The following C2orf76 variants were observed in gnomAD, a reference collection of about 807,000 sequenced individuals.
The protein encoded by C2orf76 is UPF0538 protein C2orf76.
In C2orf76, 23 loss-of-function variants were observed where a neutral mutation model predicts 16.9. The ratio of observed to expected loss-of-function variants is 1.36; its 90% CI spans 0.98 to 1.93. C2orf76 has a LOEUF of 1.93. C2orf76 is among the 30% of genes most tolerant of loss of function. The pLI is 0.00. For synonymous variants in C2orf76, 48 were observed against 52.3 expected (o/e 0.92, Z 0.35); for missense variants, 152 against 152.6 (o/e 1.00, Z 0.02).
intron 2 of C2orf76, among the ~76,000 whole-genome samples, chr2:119,332,407 A>C (rs1679703727): frequency 6.6e-6 from 1 of 152,232 alleles, no homozygotes; most frequent in African/African-American, 2.4e-5. Flanking sequence ...TATGATGGTA[A>C]GATTCAAAGG....
chr2:119,286,451 G>C, the C2orf76 span, among the ~76,000 whole-genome samples: 49,643 of 151,816 alleles, frequency 0.33, 8,334 homozygotes, highest in Non-Finnish European at 0.38. Flanking sequence ...TGGGAAGTCT[G>C]AGAAAGTGGC....
intron 5 of C2orf76, among the ~76,000 whole-genome samples, chr2:119,309,015 G>A (rs1678888705): frequency 1.3e-5 from 2 of 152,288 alleles, no homozygotes; most frequent in South Asian, 4.1e-4. Context: ...CACCCAGACA[G>A]TAAAAGACAG....
chr2:119,292,987 A>G, the C2orf76 span, among the ~76,000 whole-genome samples: 1 of 152,246 alleles, frequency 6.6e-6, no homozygotes, highest in Non-Finnish European at 1.5e-5. Context: ...GTGAGCCGAG[A>G]TTGTGCCACT....
At chr2:119,337,339 G>A (rs1309558403) in intron 2 of C2orf76, among the ~76,000 whole-genome samples, 1 of 151,830 alleles carries the variant, frequency 6.6e-6, no homozygotes, top group Admixed American at 6.6e-5. Flanking sequence ...CCAAATTGCT[G>A]GGATTACAGA....
At chr2:119,322,229 C>T (rs1679366739) in intron 2 of C2orf76, among the ~76,000 whole-genome samples, 1 of 152,086 alleles carries the variant, frequency 6.6e-6, no homozygotes, top group South Asian at 2.1e-4. Context: ...CTGATTGACA[C>T]AGGGTCTCAT....
chr2:119,311,082 T>G, intron 5 of C2orf76: 2 of 846,172 alleles, frequency 2.4e-6, no homozygotes, highest in Non-Finnish European at 2.8e-6. Flanking sequence ...ACATGTCACA[T>G]AACATTTATT....
intron 2 of C2orf76, among the ~76,000 whole-genome samples, chr2:119,332,171 A>G (rs1679696674): frequency 6.6e-6 from 1 of 152,200 alleles, no homozygotes; most frequent in South Asian, 2.1e-4. Flanking sequence ...CAATAAAATA[A>G]TTCTTTGCCT....
intron 2 of C2orf76, among the ~76,000 whole-genome samples, chr2:119,324,579 C>G (rs1333036932): frequency 6.6e-6 from 1 of 152,118 alleles, no homozygotes; most frequent in Non-Finnish European, 1.5e-5. Flanking sequence ...TAAAATAGTG[C>G]CTGGTACACA....
chr2:119,316,981 A>C (rs7604633), intron 4 of C2orf76, among the ~76,000 whole-genome samples: 5,351 of 152,294 alleles, frequency 0.035, 288 homozygotes, highest in African/African-American at 0.12. Flanking sequence ...ATTGCAGGCC[A>C]TGGCCTTGGT....
chr2:119,329,246 T>C (rs1679600735), intron 2 of C2orf76, among the ~76,000 whole-genome samples: 1 of 152,232 alleles, frequency 6.6e-6, no homozygotes, highest in African/African-American at 2.4e-5. Flanking sequence ...TCCTCTCAGT[T>C]GATGCCTTTA....
At chr2:119,317,535 C>T (rs1293006341) in intron 3 of C2orf76, 32 bp from the exon 4 acceptor site, 2 of 1,561,108 alleles carry the variant, frequency 1.3e-6, no homozygotes, top group Non-Finnish European at 1.8e-6. Flanking sequence ...TCTTTTTACA[C>T]AGTTTATTCT....
At chr2:119,340,658 T>A (rs1224439504) in intron 1 of C2orf76, among the ~76,000 whole-genome samples, 1 of 151,928 alleles carries the variant, frequency 6.6e-6, no homozygotes, top group Non-Finnish European at 1.5e-5. Flanking sequence ...GAAGACTGAC[T>A]TGGAGAGATT....
the C2orf76 span, among the ~76,000 whole-genome samples, chr2:119,281,135 T>C: frequency 6.6e-6 from 1 of 152,130 alleles, no homozygotes; most frequent in Non-Finnish European, 1.5e-5. Context: ...TTAACTTAAT[T>C]TTATTTTTAG....
chr2:119,340,177 G>A (rs1349422882), intron 1 of C2orf76: 2 of 475,198 alleles, frequency 4.2e-6, no homozygotes, highest in East Asian at 3.0e-5. Flanking sequence ...TGCAATCCTG[G>A]ACAGCTCTGT....
chr2:119,337,055 A>AT (rs773781304), intron 2 of C2orf76, among the ~76,000 whole-genome samples: 17 of 101,744 alleles, frequency 1.7e-4, no homozygotes, highest in African/African-American at 5.5e-4. Flanking sequence ...TTATTTATTT[A>AT]TTTATTTATT....
At chr2:119,334,002 A>G (rs988073383) in intron 2 of C2orf76, among the ~76,000 whole-genome samples, 1 of 151,710 alleles carries the variant, frequency 6.6e-6, no homozygotes, top group African/African-American at 2.4e-5. Flanking sequence ...TGTGTTGTCC[A>G]GTCTGGGCTC....
At chr2:119,322,438 A>C (rs1679375163) in intron 2 of C2orf76, among the ~76,000 whole-genome samples, 1 of 152,132 alleles carries the variant, frequency 6.6e-6, no homozygotes, top group Non-Finnish European at 1.5e-5. Flanking sequence ...AAACTCCTGA[A>C]CTTAAGCAAT....
At chr2:119,361,889 T>C (rs79420260) in intron 1 of C2orf76, among the ~76,000 whole-genome samples, 6 of 152,206 alleles carry the variant, frequency 3.9e-5, no homozygotes, top group East Asian at 1.9e-4. Context: ...AGCCAAAGCA[T>C]GTCAGCAGAT....
intron 1 of C2orf76, among the ~76,000 whole-genome samples, chr2:119,358,556 T>TG (rs1185053227): frequency 2.3e-5 from 3 of 129,160 alleles, no homozygotes; most frequent in Non-Finnish European, 3.1e-5. Context: ...CCAGCCTGGG[T>TG]GACAGAGGGA....
Sources: gnomAD v4.1 joint callset for allele counts (sites outside exome capture counted in the v4.1 genomes callset) on GRCh38, gnomAD v4.1.1 for gene constraint, MANE v1.5 for transcripts, NCBI Gene and HGNC (gene_info 2026-07-23, HGNC 2026-07-21) for gene names.